SYNRG: variants seen among roughly 807,000 people sequenced by gnomAD.
The protein encoded by SYNRG is synergin gamma, also known as AP1 gamma subunit binding protein 1.
In SYNRG, 37 loss-of-function variants were observed where a neutral mutation model predicts 130.9. The ratio of observed to expected loss-of-function variants is 0.28; its 90% CI spans 0.22 to 0.37. SYNRG has a LOEUF of 0.37. Ranked by LOEUF, SYNRG falls within the 10% of genes least tolerant of loss-of-function variation. SYNRG has a pLI of 1.00. For synonymous variants in SYNRG, 539 were observed against 568.1 expected, an observed-to-expected ratio of 0.95 and a Z score of 0.73; for missense variants, 1,338 against 1,588.9, an observed-to-expected ratio of 0.84 and a Z score of 2.68.
At chr17:37,606,423 G>GA (rs2063754034) in intron 1 of SYNRG, among the ~76,000 whole-genome samples, 2 of 152,170 alleles carry the variant, frequency 1.3e-5, no homozygotes, top group Non-Finnish European at 2.9e-5. Flanking sequence ...AAAAGATCAG[G>GA]AAAAAATAGA....
At chr17:37,522,469 T>C (rs115694827) in intron 19 of SYNRG, among the ~76,000 whole-genome samples, 1,746 of 151,374 alleles carry the variant, frequency 0.012, 28 homozygotes, top group African/African-American at 0.039. Context: ...ACACTTTTAT[T>C]TTTATTTATT....
chr17:37,533,059 T>C (rs1298394442), intron 19 of SYNRG, among the ~76,000 whole-genome samples: 1 of 152,198 alleles, frequency 6.6e-6, no homozygotes, highest in Non-Finnish European at 1.5e-5. Context: ...ATGTTGATTA[T>C]ATTAGTTTCC....
intron 18 of SYNRG, chr17:37,536,814 CT>C (rs2057236813): frequency 6.6e-6 from 1 of 152,242 alleles, no homozygotes; most frequent in African/African-American, 2.4e-5. Context: ...TGCTAAGTAC[CT>C]CCACATTCTA....
chr17:37,527,820 C>T (rs560351114), intron 19 of SYNRG, among the ~76,000 whole-genome samples: 1 of 152,112 alleles, frequency 6.6e-6, no homozygotes, highest in Non-Finnish European at 1.5e-5. Context: ...ATTCCCCCCC[C>T]ATGGACAGGG....
At chr17:37,577,692 A>ATT in intron 6 of SYNRG, 79 bp from the exon 7 acceptor site, 3 of 770,378 alleles carry the variant, frequency 3.9e-6, no homozygotes, top group Admixed American at 3.3e-5. Flanking sequence ...CCACCCCCAT[A>ATT]TTCTTTTTTT....
At chr17:37,559,177 G>C (rs978551648) in intron 13 of SYNRG, among the ~76,000 whole-genome samples, 28 of 152,070 alleles carry the variant, frequency 1.8e-4, no homozygotes, top group African/African-American at 6.3e-4. Flanking sequence ...TTAATTGTAC[G>C]CTCTAGTATT....
intron 1 of SYNRG, among the ~76,000 whole-genome samples, chr17:37,608,406 A>G (rs1053331576): frequency 6.6e-6 from 1 of 152,236 alleles, no homozygotes; most frequent in Non-Finnish European, 1.5e-5. Flanking sequence ...TTAGTAAAAC[A>G]AAATCAGACT....
At chr17:37,540,607 T>G in intron 15 of SYNRG, 64 bp from the exon 16 acceptor site, 50 of 1,447,638 alleles carry the variant, frequency 3.5e-5, no homozygotes, top group African/African-American at 5.8e-5. Flanking sequence ...GCAGAGGCTC[T>G]TCCTCGCTAC....
rs1327475535 is a variant in SYNRG, at chr17:37,564,827, CTAAG to C, written c.1482-3242_1482-3239del. Among the ~76,000 whole-genome samples, 11 of 152,202 alleles carry C rather than the reference CTAAG, an allele frequency of 7.2e-5. 1 individual carries two copies. On this transcript the variant is annotated intron_variant, in intron 11 of 21. Transcript: ENST00000612223. ...CAGATAATTTAAATACCAGATAAAA[CTAAG>C]TGTCTTTAGAGCAGGAACTGTGGTT...
intron 6 of SYNRG, among the ~76,000 whole-genome samples, chr17:37,578,933 A>T (rs2061069407): frequency 6.6e-6 from 1 of 152,210 alleles, no homozygotes; most frequent in Non-Finnish European, 1.5e-5. Context: ...GAGGAGCAAA[A>T]GTTTTAAATC....
chr17:37,570,370 AC>A (rs11418267), intron 10 of SYNRG, among the ~76,000 whole-genome samples: 26,333 of 152,082 alleles, frequency 0.17, 2,721 homozygotes, highest in East Asian at 0.52. Flanking sequence ...ACAAGGCTGT[AC>A]CAATAAGCCT....
chr17:37,531,518 G>A (rs573840643), intron 19 of SYNRG, among the ~76,000 whole-genome samples: 2 of 152,302 alleles, frequency 1.3e-5, no homozygotes, highest in East Asian at 1.9e-4. Context: ...GCTCATGCCT[G>A]TAATCCCAGT....
rs2054307237 is a variant in SYNRG, at chr17:37,514,858, G to A, written c.*4082C>T. 1 of 152,180 alleles carries A rather than the reference G, an allele frequency of 6.6e-6. No individual in the cohort carries two copies. Among genetic ancestry groups the A allele is most frequent in the African/African-American group, 2.4e-5 (1 of 41,430 alleles). 9.4% of individuals were successfully genotyped at this position (152,180 alleles called of 1,614,324 possible). A position where few individuals can be genotyped will look rare whatever the true frequency, so the allele number is the denominator to read the frequency against. ...AGAAGTTTAACAAGGGGTGATTTCA[G>A]AACAGACCCTGAAAATATTTTAAAG... On this transcript the variant is annotated 3_prime_UTR_variant, in exon 22 of 22. Transcript: ENST00000612223.
chr17:37,541,593 G>T, intron 15 of SYNRG: 1 of 216,658 alleles, frequency 4.6e-6, no homozygotes. Flanking sequence ...GCAGATCCCC[G>T]GCCCCCACTT....
intron 13 of SYNRG, among the ~76,000 whole-genome samples, chr17:37,554,263 C>T (rs981540529): frequency 2.0e-5 from 3 of 152,108 alleles, no homozygotes; most frequent in Admixed American, 6.6e-5. Context: ...AAATAGAAAT[C>T]GAACTGAAAG....
intron 1 of SYNRG, 114 bp from the exon 2 acceptor site, chr17:37,600,517 G>A: frequency 2.0e-6 from 2 of 1,001,236 alleles, no homozygotes; most frequent in South Asian, 1.4e-5. Context: ...TGTTTGTTCT[G>A]CACCACAATA....
At chr17:37,535,595 A>T (rs2057114064) in intron 19 of SYNRG, among the ~76,000 whole-genome samples, 1 of 152,252 alleles carries the variant, frequency 6.6e-6, no homozygotes, top group Non-Finnish European at 1.5e-5. Flanking sequence ...AGGGCTAAAC[A>T]AACTACAGGA....
At chr17:37,603,048 A>G (rs2063430424) in intron 1 of SYNRG, among the ~76,000 whole-genome samples, 1 of 152,164 alleles carries the variant, frequency 6.6e-6, no homozygotes, top group East Asian at 1.9e-4. Context: ...AAAACAAAAC[A>G]AAACAAAGTA....
At chr17:37,523,010 G>A (rs1256593187) in intron 19 of SYNRG, among the ~76,000 whole-genome samples, 1 of 152,168 alleles carries the variant, frequency 6.6e-6, no homozygotes, top group African/African-American at 2.4e-5. Flanking sequence ...ACATCCCTCA[G>A]TCCTGACCAA....
Sources: allele counts gnomAD v4.1 joint callset (sites outside exome capture counted in the v4.1 genomes callset), GRCh38; gene constraint gnomAD v4.1.1; transcripts MANE v1.5; gene names NCBI Gene and HGNC (gene_info 2026-07-23, HGNC 2026-07-21).